The following NTNG1 variants were observed in gnomAD, a reference collection of about 807,000 sequenced individuals.
NTNG1 encodes netrin-G1.
NTNG1 carries 16 observed loss-of-function variants against 54.0 expected under a neutral mutation model. The ratio of observed to expected loss-of-function variants is 0.30; its 90% CI spans 0.20 to 0.45. NTNG1 has a LOEUF of 0.45. Ranked by LOEUF, NTNG1 falls within the 20% of genes least tolerant of loss-of-function variation. The pLI, the probability that NTNG1 is intolerant of heterozygous loss-of-function variation, is 1.00. For synonymous variants in NTNG1, 255 were observed against 263.1 expected (o/e 0.97, Z 0.30); for missense variants, 530 against 678.7 (o/e 0.78, Z 2.43).
At chr1:107,171,454 C>T (rs1656231651) in intron 2 of NTNG1, among the ~76,000 whole-genome samples, 1 of 152,132 alleles carries the variant, frequency 6.6e-6, no homozygotes, top group Non-Finnish European at 1.5e-5. Context: ...TGGCAGACAG[C>T]ACTGGAAGGA....
At chr1:107,447,731 T>A (rs1676393218) in intron 7 of NTNG1, among the ~76,000 whole-genome samples, 1 of 152,008 alleles carries the variant, frequency 6.6e-6, no homozygotes, top group Admixed American at 6.6e-5. Context: ...TGAGATGAGA[T>A]CATACTCTAC....
chr1:107,307,394 G>C (rs1666755487), intron 2 of NTNG1, among the ~76,000 whole-genome samples: 2 of 152,122 alleles, frequency 1.3e-5, no homozygotes, highest in South Asian at 4.2e-4. Flanking sequence ...TGATGATGAT[G>C]ATGATGCTAG....
At chr1:107,266,705 TCATAGGA>T (rs1482697138) in intron 2 of NTNG1, among the ~76,000 whole-genome samples, 1 of 151,594 alleles carries the variant, frequency 6.6e-6, no homozygotes, top group African/African-American at 2.4e-5. Context: ...AGTTTCCTAT[TCATAGGA>T]AGAGGAGAAT....
intron 2 of NTNG1, among the ~76,000 whole-genome samples, chr1:107,187,447 A>G (rs1657548062): frequency 6.6e-6 from 1 of 152,180 alleles, no homozygotes; most frequent in African/African-American, 2.4e-5. Flanking sequence ...ATTGGCTTAC[A>G]AGATCTCTGA....
intron 2 of NTNG1, among the ~76,000 whole-genome samples, chr1:107,189,008 G>T (rs1425962430): frequency 1.3e-5 from 2 of 152,142 alleles, no homozygotes; most frequent in South Asian, 2.1e-4. Flanking sequence ...TTCAATATTT[G>T]AAAGAATAGG....
chr1:107,409,754 T>A (rs895410875), intron 5 of NTNG1: 2 of 152,146 alleles, frequency 1.3e-5, no homozygotes, highest in African/African-American at 4.8e-5. Flanking sequence ...GCAAACAGGA[T>A]GTAAGAGCTT....
At chr1:107,150,444 C>G (rs775127874) in intron 2 of NTNG1, among the ~76,000 whole-genome samples, 8 of 152,118 alleles carry the variant, frequency 5.3e-5, no homozygotes, top group Non-Finnish European at 5.9e-5. Context: ...GTTGTATAGT[C>G]TTCTACGCCT....
intron 2 of NTNG1, among the ~76,000 whole-genome samples, chr1:107,268,118 C>T (rs764143718): frequency 1.3e-5 from 2 of 152,172 alleles, no homozygotes; most frequent in Non-Finnish European, 2.9e-5. Flanking sequence ...TGTAAAAATA[C>T]ATCCCATCTT....
At chr1:107,224,129 T>C (rs958316221) in intron 2 of NTNG1, among the ~76,000 whole-genome samples, 7 of 152,152 alleles carry the variant, frequency 4.6e-5, no homozygotes, top group African/African-American at 1.4e-4. Context: ...TGTAGAAAGA[T>C]GTCAAGGGTC....
At chr1:107,407,353 TC>T (rs1673494338) in intron 4 of NTNG1, among the ~76,000 whole-genome samples, 1 of 152,110 alleles carries the variant, frequency 6.6e-6, no homozygotes, top group Admixed American at 6.6e-5. Flanking sequence ...CTACAAATGT[TC>T]ATTAACCTTA....
Position 107,430,788 on chromosome 1 carries a change from A to G in NTNG1, c.1126A>G (p.Ile376Val), listed in dbSNP as rs561432988. ...CFGHSNRCSY[I>V]DLLNTVICVS... ...CGGCCACTCCAATCGATGCAGTTAT[A>G]TCGATCTGCTAAATACAGTCATTTG... The change falls in exon 6 of 8, where the codon ATC (isoleucine) becomes GTC (valine). Residue 376 changes from isoleucine to valine, a missense_variant. Physicochemically the swap from Ile to Val is conservative, Grantham distance 29 (BLOSUM62 3). Coordinates refer to ENST00000370068, the MANE Select transcript of NTNG1 (RefSeq NM_001113226.3). The G allele has an allele frequency of 1.5e-5, 25 of 1,613,264 alleles. No homozygotes were observed. In the South Asian group the frequency reaches 2.5e-4, roughly 16 times the overall value.
intron 5 of NTNG1, among the ~76,000 whole-genome samples, chr1:107,419,803 T>A (rs1373552234): frequency 6.6e-6 from 1 of 152,024 alleles, no homozygotes; most frequent in Non-Finnish European, 1.5e-5. Flanking sequence ...TTGGAAGGGC[T>A]GCATTTTCAG....
chr1:107,161,643 AG>A (rs1428555514), intron 2 of NTNG1, among the ~76,000 whole-genome samples: 1 of 151,456 alleles, frequency 6.6e-6, no homozygotes, highest in Admixed American at 6.6e-5. Flanking sequence ...CCTGGGTGAC[AG>A]AGTGAAACTG....
chr1:107,280,084 C>A (rs1175332668), intron 2 of NTNG1, among the ~76,000 whole-genome samples: 1 of 137,596 alleles, frequency 7.3e-6, no homozygotes, highest in Non-Finnish European at 1.5e-5. Context: ...TCTAAACCTT[C>A]TTGGATCATT....
At chr1:107,466,023 G>T (rs1391558406) in intron 7 of NTNG1, among the ~76,000 whole-genome samples, 1 of 152,130 alleles carries the variant, frequency 6.6e-6, no homozygotes, top group Admixed American at 6.5e-5. Context: ...TTCATGTTGT[G>T]GAGTAAAAGC....
At chr1:107,343,333 C>T (rs1234632518) in intron 3 of NTNG1, among the ~76,000 whole-genome samples, 1 of 152,100 alleles carries the variant, frequency 6.6e-6, no homozygotes, top group Non-Finnish European at 1.5e-5. Flanking sequence ...ACTATATTAA[C>T]ATCCATTGGA....
chr1:107,227,130 G>A lies in NTNG1; in HGVS notation c.246+78291G>A, dbSNP rs192278723. ...TTCAGCTCTTCTGTCTGGTGGCAGTGTGACTATGGGCAATTATTTAATCTC... is the reference window on the plus strand; with the variant it reads ...TTCAGCTCTTCTGTCTGGTGGCAGTATGACTATGGGCAATTATTTAATCTC... On this transcript the variant is annotated intron_variant, in intron 2 of 7. Transcript: ENST00000370068. Among the ~76,000 whole-genome samples, 445 of 152,204 alleles carry A rather than the reference G, an allele frequency of 2.9e-3. 4 individuals carry two copies. The highest frequency in any genetic ancestry group is 0.012 in the Admixed American group (180 of 15,264).
intron 5 of NTNG1, among the ~76,000 whole-genome samples, chr1:107,428,345 T>C (rs1675030013): frequency 6.6e-6 from 1 of 152,124 alleles, no homozygotes; most frequent in Non-Finnish European, 1.5e-5. Context: ...TATGTCACTG[T>C]TTTTTCTCTG....
At chr1:107,456,776 C>T (rs778393593) in intron 7 of NTNG1, among the ~76,000 whole-genome samples, 2 of 152,190 alleles carry the variant, frequency 1.3e-5, no homozygotes, top group Non-Finnish European at 2.9e-5. Context: ...GCTTATGTAA[C>T]GTGATGCAAG....
Sources: gnomAD v4.1 joint callset for allele counts (sites outside exome capture counted in the v4.1 genomes callset) on GRCh38, gnomAD v4.1.1 for gene constraint, MANE v1.5 for transcripts, NCBI Gene and HGNC (gene_info 2026-07-23, HGNC 2026-07-21) for gene names.